The following NEMP1 variants were observed in gnomAD, a reference collection of about 807,000 sequenced individuals.
NEMP1 encodes nuclear envelope integral membrane protein 1.
NEMP1 carries 29 observed loss-of-function variants against 53.7 expected under a neutral mutation model. That is an observed-to-expected ratio of 0.54 (90% CI 0.40 to 0.74). The LOEUF (loss-of-function observed/expected upper bound fraction) is 0.74. Among genes scored for constraint, NEMP1 ranks in the 30% least tolerant of loss-of-function variants. NEMP1 has a pLI of 0.00. For missense variants in NEMP1, 477 were observed against 528.6 expected, an observed-to-expected ratio of 0.90 and a Z score of 0.96; for synonymous variants, 193 against 192.9, an observed-to-expected ratio of 1.00 and a Z score of 0.00.
chr12:57,063,736 C>T (rs1252545693), intron 6 of NEMP1, among the ~76,000 whole-genome samples: 4 of 152,192 alleles, frequency 2.6e-5, no homozygotes, highest in South Asian at 2.1e-4. Context: ...AAATTAACTG[C>T]GGAGTCTTTT....
In NEMP1 at chr12:57,064,113, T is replaced by G. The variant is rs745617820; in HGVS notation, c.712A>C (p.Asn238His). The G allele has an allele frequency of 1.9e-6, 3 of 1,610,960 alleles. No homozygotes were observed. The South Asian group carries it at 3.3e-5, about 18-fold the overall frequency. The part of the protein sequence containing the change: ...SLYLIQLVFK[N>H]LQEIWRCYWQ... ...TAACACCTCCAGATCTCTTGTAAAT[T>G]TTTAAAAACTAGTTGAATGAGGTAC... Residue 238 changes from asparagine to histidine, a missense_variant, in exon 6 of 9, where the codon AAT becomes CAT. Transcript: ENST00000300128.
At chr12:57,066,699 C>T (rs2032094185) in intron 4 of NEMP1, among the ~76,000 whole-genome samples, 1 of 152,200 alleles carries the variant, frequency 6.6e-6, no homozygotes, top group Non-Finnish European at 1.5e-5. Flanking sequence ...TATGGTTTGG[C>T]TGTGTCCCCA....
At chr12:57,085,275 G>A (rs1592526343) in intron 1 of NEMP1, among the ~76,000 whole-genome samples, 1 of 152,062 alleles carries the variant, frequency 6.6e-6, no homozygotes, top group East Asian at 1.9e-4. Context: ...CAACTTCTGG[G>A]CTCAAATGTT....
chr12:57,071,529 C>T (rs2032346233), intron 2 of NEMP1, among the ~76,000 whole-genome samples: 1 of 152,080 alleles, frequency 6.6e-6, no homozygotes, highest in South Asian at 2.1e-4. Context: ...AGGGTGTGCG[C>T]CACCATGCCC....
chr12:57,086,916 TAG>T (rs1472278452), intron 1 of NEMP1, among the ~76,000 whole-genome samples: 6 of 152,224 alleles, frequency 3.9e-5, no homozygotes, highest in Admixed American at 2.0e-4. Flanking sequence ...TTCTACAATT[TAG>T]AGAGTTTTCC....
At position 57,078,679 on chromosome 12, in the gene NEMP1, C is replaced by G. The variant is rs368361522; in HGVS notation, c.67G>C (p.Gly23Arg). 3.2e-5 allele frequency: 52 copies of G among 1,613,528 alleles called. No individual in the cohort carries two copies. The highest frequency in any genetic ancestry group is 4.2e-5 in the Non-Finnish European group (50 of 1,179,802). Residue 23 changes from glycine (G) to arginine (R), a missense_variant, in exon 1 of 9, where the codon GGG (glycine) becomes CGG (arginine). Coordinates refer to ENST00000300128, the MANE Select transcript of NEMP1 (RefSeq NM_001130963.2). ...AGTAGCCGCACTGTCCCACCGCCCC[C>G]GACTCCCGAGCCCCAGGGCCCGGGA... ...VGPGPWGSGVGGGGTVRLLLI... is the reference protein window; with the variant it reads ...VGPGPWGSGVRGGGTVRLLLI...
intron 1 of NEMP1, among the ~76,000 whole-genome samples, chr12:57,073,392 C>T (rs1480520074): frequency 6.6e-6 from 1 of 152,024 alleles, no homozygotes; most frequent in African/African-American, 2.4e-5. Context: ...GTAATCCCAG[C>T]ACTTTGGGAG....
chr12:57,082,572 T>A (rs559733947), upstream of NEMP1, among the ~76,000 whole-genome samples: 2 of 150,274 alleles, frequency 1.3e-5, no homozygotes, highest in South Asian at 2.1e-4. Context: ...ATTAGCCAAG[T>A]GTGTTGGCAC....
chr12:57,083,064 T>C (rs1342526550), upstream of NEMP1, among the ~76,000 whole-genome samples: 8 of 152,098 alleles, frequency 5.3e-5, no homozygotes, highest in Admixed American at 1.3e-4. Flanking sequence ...TATGTATAGA[T>C]ATGTATATGT....
At chr12:57,062,872 C>T (rs774469461) in intron 7 of NEMP1, among the ~76,000 whole-genome samples, 11 of 151,740 alleles carry the variant, frequency 7.2e-5, no homozygotes, top group Non-Finnish European at 1.2e-4. Context: ...TTTGCACCAC[C>T]TTGTGGTAAC....
intron 1 of NEMP1, among the ~76,000 whole-genome samples, chr12:57,086,375 C>CT (rs1275988055): frequency 6.6e-6 from 1 of 152,254 alleles, no homozygotes; most frequent in Admixed American, 6.5e-5. Flanking sequence ...TCTGGTCTGT[C>CT]TTTGAGAGCA....
chr12:57,072,255 T>C (rs2032387142), intron 2 of NEMP1, among the ~76,000 whole-genome samples: 1 of 151,994 alleles, frequency 6.6e-6, no homozygotes, highest in African/African-American at 2.4e-5. Context: ...CTGGCCAACA[T>C]GATGAAACCC....
rs898707977 is a variant in NEMP1, at chr12:57,063,003, A to G, written c.980+116T>C. ...GGGAAGGAACAAAAGTGGAAGTACA[A>G]TACAATGACTTTTCATTAACAAAGA... is the stretch of plus-strand genomic sequence containing the variant. On this transcript the variant is annotated intron_variant, in intron 7 of 8. Coordinates refer to ENST00000300128, the MANE Select transcript of NEMP1 (RefSeq NM_001130963.2). 12 of 778,654 alleles carry G rather than the reference A, an allele frequency of 1.5e-5. No individual in the cohort carries two copies. The African/African-American group carries it at 2.1e-4, about 13-fold the overall frequency. 48.2% of individuals were successfully genotyped at this position (778,654 alleles called of 1,614,324 possible).
At chr12:57,069,135 G>C in intron 4 of NEMP1, 99 bp downstream of exon 4, 1 of 728,602 alleles carries the variant, frequency 1.4e-6, no homozygotes, top group Non-Finnish European at 2.1e-6. Flanking sequence ...AAGCCATAAA[G>C]GTCCTGGAAA....
chr12:57,078,762 C>G lies in NEMP1; in HGVS notation c.-17G>C. On this transcript the variant is annotated 5_prime_UTR_variant, in exon 1 of 9. Coordinates refer to ENST00000300128, the MANE Select transcript of NEMP1 (RefSeq NM_001130963.2). ...TCCCGCCATGGTTGCCTCAAGCCACCTCCTCCTCACGTGCCTTACCCCAGC... is the reference window on the plus strand; with the variant it reads ...TCCCGCCATGGTTGCCTCAAGCCACGTCCTCCTCACGTGCCTTACCCCAGC... The G allele has an allele frequency of 6.2e-7, 1 of 1,605,850 alleles. No homozygotes were observed. Among genetic ancestry groups the G allele is most frequent in the Non-Finnish European group, 8.5e-7 (1 of 1,174,516 alleles).
chr12:57,066,316 C>T (rs1043017480), intron 4 of NEMP1, among the ~76,000 whole-genome samples: 4 of 152,172 alleles, frequency 2.6e-5, no homozygotes, highest in African/African-American at 9.7e-5. Context: ...CAACAGCCAA[C>T]TAAAACTCTC....
intron 1 of NEMP1, among the ~76,000 whole-genome samples, chr12:57,086,664 T>C (rs575041665): frequency 2.2e-4 from 33 of 151,628 alleles, no homozygotes; most frequent in African/African-American, 7.5e-4. Flanking sequence ...AGGAGGGGAG[T>C]TGGGGGTGGC....
chr12:57,082,469 T>C (rs1177917321), upstream of NEMP1, among the ~76,000 whole-genome samples: 3 of 152,096 alleles, frequency 2.0e-5, no homozygotes, highest in African/African-American at 7.2e-5. Context: ...ATCCCAGCAC[T>C]TTAGGAGACC....
chr12:57,084,491 T>C (rs918052050), intron 1 of NEMP1, among the ~76,000 whole-genome samples: 3 of 152,186 alleles, frequency 2.0e-5, no homozygotes, highest in Non-Finnish European at 4.4e-5. Flanking sequence ...ATATTTTGAA[T>C]CTGTTCTTTC....
Sources: allele counts gnomAD v4.1 joint callset (sites outside exome capture counted in the v4.1 genomes callset), GRCh38; gene constraint gnomAD v4.1.1; transcripts MANE v1.5; gene names NCBI Gene and HGNC (gene_info 2026-07-23, HGNC 2026-07-21).